FAT3: variants seen among roughly 807,000 people sequenced by gnomAD.
The protein encoded by FAT3 is FAT atypical cadherin 3.
A neutral mutation model predicts 310.2 loss-of-function variants in FAT3; 95 were observed. That is an observed-to-expected ratio of 0.31 (90% CI 0.26 to 0.36). FAT3 has a LOEUF of 0.36. Ranked by LOEUF, FAT3 falls within the 10% of genes least tolerant of loss-of-function variation. The pLI is 1.00. For synonymous variants in FAT3, 2,314 were observed against 2,192.9 expected, an observed-to-expected ratio of 1.06 and a Z score of -1.54; for missense variants, 5,408 against 5,715.6, an observed-to-expected ratio of 0.95 and a Z score of 1.74.
At chr11:92,269,367 G>C (rs1392184109) in intron 1 of FAT3, among the ~76,000 whole-genome samples, 1 of 152,068 alleles carries the variant, frequency 6.6e-6, no homozygotes, top group African/African-American at 2.4e-5. Flanking sequence ...AGTATGTAGT[G>C]GGTCAGGTAG....
At position 92,866,793 on chromosome 11, in the gene FAT3, T is replaced by C. The variant is rs1403141522; in HGVS notation, c.11711T>C (p.Ile3904Thr). 6.2e-7 allele frequency: 1 copy of C among 1,613,778 alleles called. No homozygotes were observed. Among genetic ancestry groups the C allele is most frequent in the African/African-American group, 1.3e-5 (1 of 74,934 alleles). Residue 3904 changes from isoleucine (I) to threonine (T), a missense_variant, in exon 22 of 28, where the codon ATC becomes ACC. Physicochemically the swap from Ile to Thr is moderately conservative, Grantham distance 89 (BLOSUM62 -1). This residue lies in a region of FAT3 where 4,588 missense variants were observed against 4,809.8 expected (regional missense o/e 0.95). Transcript: ENST00000525166. ...FQLDCGSGPGILGISGRAVND... is the reference protein window; with the variant it reads ...FQLDCGSGPGTLGISGRAVND... ...CTGGACTGCGGCAGCGGCCCTGGAA[T>C]CTTGGGCATCTCGGGCCGTGCTGTC... is the stretch of plus-strand genomic sequence containing the variant.
intron 4 of FAT3, among the ~76,000 whole-genome samples, chr11:92,699,620 C>T (rs370519498): frequency 7.9e-5 from 12 of 152,108 alleles, no homozygotes; most frequent in African/African-American, 9.7e-5. Flanking sequence ...ACATTTCCTT[C>T]GAGCATCATG....
intron 2 of FAT3, among the ~76,000 whole-genome samples, chr11:92,435,082 C>A (rs1427826654): frequency 6.6e-6 from 1 of 152,106 alleles, no homozygotes; most frequent in Non-Finnish European, 1.5e-5. Context: ...AGCATTTTCA[C>A]CTATATCCTC....
intron 2 of FAT3, among the ~76,000 whole-genome samples, chr11:92,370,162 TG>T (rs1949145848): frequency 6.6e-6 from 1 of 152,332 alleles, no homozygotes; most frequent in East Asian, 1.9e-4. Flanking sequence ...TGCACATTAT[TG>T]TTGTAATTTA....
At chr11:92,653,665 CATTA>C (rs1479370917) in intron 3 of FAT3, among the ~76,000 whole-genome samples, 3 of 152,178 alleles carry the variant, frequency 2.0e-5, no homozygotes, top group Non-Finnish European at 4.4e-5. Flanking sequence ...TAAATCATTA[CATTA>C]ATTGTTTCCA....
At chr11:92,886,328 GGTGTGT>G (rs143452563) in intron 24 of FAT3, among the ~76,000 whole-genome samples, 1 of 150,444 alleles carries the variant, frequency 6.6e-6, no homozygotes, top group Non-Finnish European at 1.5e-5. Flanking sequence ...AAGTAGCCCT[GGTGTGT>G]GTGTGTGTGT....
intron 2 of FAT3, among the ~76,000 whole-genome samples, chr11:92,523,689 C>T (rs1380408852): frequency 1.3e-5 from 2 of 152,150 alleles, no homozygotes; most frequent in East Asian, 3.9e-4. Context: ...TTCTATGAGC[C>T]TCCTGACTAC....
At chr11:92,652,168 G>A (rs953484779) in intron 3 of FAT3, among the ~76,000 whole-genome samples, 1 of 152,048 alleles carries the variant, frequency 6.6e-6, no homozygotes, top group African/African-American at 2.4e-5. Flanking sequence ...GCAGTCGTGG[G>A]ATGTAACCAG....
At chr11:92,304,768 C>G (rs1271431114) in intron 1 of FAT3, among the ~76,000 whole-genome samples, 2 of 152,012 alleles carry the variant, frequency 1.3e-5, no homozygotes, top group South Asian at 2.1e-4. Context: ...AAATGAAGCA[C>G]AGGCATGGGG....
intron 2 of FAT3, among the ~76,000 whole-genome samples, chr11:92,422,869 A>C (rs1159258579): frequency 6.6e-6 from 1 of 152,146 alleles, no homozygotes; most frequent in Admixed American, 6.6e-5. Context: ...CTAGTGGTCA[A>C]ATCAGTTGTC....
At position 92,799,813 on chromosome 11, in the gene FAT3, C is replaced by A; in HGVS notation, c.6800C>A (p.Ala2267Asp). Residue 2267 changes from alanine to aspartate, a missense_variant, in exon 10 of 28, where the codon GCT becomes GAT. Coordinates refer to ENST00000525166, the MANE Select transcript of FAT3 (RefSeq NM_001367949.2). Reference protein sequence around the residue: ...TIRASDALTGARAEVTVDLLV... With the variant: ...TIRASDALTGDRAEVTVDLLV... The stretch of plus-strand genomic sequence containing the variant: ...AGAGCCAGCGACGCCCTTACTGGTG[C>A]TAGGGCTGAAGTCACTGTTGACTTG... 6.2e-7 allele frequency: 1 copy of A among 1,613,238 alleles called. No individual in the cohort carries two copies. The highest frequency in any genetic ancestry group is 8.5e-7 in the Non-Finnish European group (1 of 1,179,574).
intron 1 of FAT3, among the ~76,000 whole-genome samples, chr11:92,272,233 C>T (rs941673926): frequency 1.3e-5 from 2 of 152,044 alleles, no homozygotes; most frequent in African/African-American, 4.8e-5. Context: ...TTCATTTTGC[C>T]CTGCTCCTTG....
At chr11:92,858,354 A>AGG (rs1268101101) in intron 20 of FAT3, among the ~76,000 whole-genome samples, 2 of 152,194 alleles carry the variant, frequency 1.3e-5, no homozygotes, top group African/African-American at 4.8e-5. Flanking sequence ...GTGGATGGGT[A>AGG]GGGGGATCAT....
At chr11:92,408,791 C>T (rs1950192174) in intron 2 of FAT3, among the ~76,000 whole-genome samples, 1 of 152,230 alleles carries the variant, frequency 6.6e-6, no homozygotes. Context: ...GATTAGAAAG[C>T]ATATGAACTC....
chr11:92,641,560 G>A (rs1591553212), intron 3 of FAT3, among the ~76,000 whole-genome samples: 1 of 152,132 alleles, frequency 6.6e-6, no homozygotes, highest in East Asian at 1.9e-4. Context: ...CTCCAATCTC[G>A]GCCTCTGTCT....
intron 3 of FAT3, among the ~76,000 whole-genome samples, chr11:92,592,340 G>A: frequency 6.4e-5 from 1 of 15,642 alleles, no homozygotes; most frequent in Admixed American, 5.3e-4. Context: ...TTTTTTTTTT[G>A]AGATAGAGTC....
intron 3 of FAT3, among the ~76,000 whole-genome samples, chr11:92,563,289 G>A (rs974082291): frequency 6.6e-6 from 1 of 152,136 alleles, no homozygotes; most frequent in Non-Finnish European, 1.5e-5. Flanking sequence ...GCAAATATGT[G>A]AGTAAGAGGG....
At chr11:92,780,132 A>G (rs1332264607) in intron 7 of FAT3, among the ~76,000 whole-genome samples, 1 of 150,930 alleles carries the variant, frequency 6.6e-6, no homozygotes, top group East Asian at 2.0e-4. Context: ...CAGTGTTTTA[A>G]GCTTCTAAGT....
chr11:92,274,295 T>G (rs962806971), intron 1 of FAT3, among the ~76,000 whole-genome samples: 1 of 152,108 alleles, frequency 6.6e-6, no homozygotes, highest in African/African-American at 2.4e-5. Context: ...TACTTACTAC[T>G]GAAATAATAC....
Sources: gnomAD v4.1 joint callset for allele counts (sites outside exome capture counted in the v4.1 genomes callset) on GRCh38, gnomAD v4.1.1 for gene constraint, gnomAD v4.1.1 regional missense constraint, MANE v1.5 for transcripts, NCBI Gene and HGNC (gene_info 2026-07-23, HGNC 2026-07-21) for gene names.